Variants in PLS1 observed in about 807,000 individuals in gnomAD.
PLS1 encodes the protein plastin 1.
In PLS1, 32 loss-of-function variants were observed where a neutral mutation model predicts 73.7. That is an observed-to-expected ratio of 0.43 (90% CI 0.33 to 0.58). PLS1 has a LOEUF of 0.58. Ranked by LOEUF, PLS1 falls within the 20% of genes least tolerant of loss-of-function variation. PLS1 has a pLI of 0.04. For missense variants in PLS1, 633 were observed against 740.5 expected (o/e 0.85, Z 1.68); for synonymous variants, 217 against 261.3 (o/e 0.83, Z 1.63).
chr3:142,597,539 G>A (rs2035835057), intron 1 of PLS1, among the ~76,000 whole-genome samples: 1 of 152,156 alleles, frequency 6.6e-6, no homozygotes, highest in Non-Finnish European at 1.5e-5. Flanking sequence ...AGGGAATACA[G>A]GTATCCTGCC....
intron 1 of PLS1, among the ~76,000 whole-genome samples, chr3:142,616,753 C>T (rs904709321): frequency 3.9e-5 from 6 of 152,136 alleles, no homozygotes; most frequent in Admixed American, 6.5e-5. Flanking sequence ...CAGGCACCCG[C>T]CGTCATGCCT....
intron 11 of PLS1, among the ~76,000 whole-genome samples, chr3:142,695,761 CTTA>C (rs1258042771): frequency 1.1e-5 from 1 of 94,260 alleles, no homozygotes; most frequent in Admixed American, 8.9e-5. Context: ...AGGAGACTTA[CTTA>C]TTTATTTATT....
At chr3:142,634,537 CTGT>C (rs1488675373) in intron 1 of PLS1, among the ~76,000 whole-genome samples, 2 of 152,128 alleles carry the variant, frequency 1.3e-5, no homozygotes, top group Non-Finnish European at 2.9e-5. Flanking sequence ...CACTGCAGTG[CTGT>C]TGAGTTTTGC....
At chr3:142,611,149 T>C (rs1202760707) in intron 1 of PLS1, among the ~76,000 whole-genome samples, 1 of 152,236 alleles carries the variant, frequency 6.6e-6, no homozygotes, top group Non-Finnish European at 1.5e-5. Context: ...TCACAAACTA[T>C]TATTCTTTTG....
intron 1 of PLS1, among the ~76,000 whole-genome samples, chr3:142,602,681 G>C (rs1332417893): frequency 2.0e-5 from 3 of 151,710 alleles, no homozygotes; most frequent in South Asian, 4.2e-4. Context: ...TAATTACATA[G>C]AGAACTTACT....
intron 1 of PLS1, among the ~76,000 whole-genome samples, chr3:142,655,740 A>G (rs2037216516): frequency 6.7e-6 from 1 of 149,514 alleles, no homozygotes; most frequent in Non-Finnish European, 1.5e-5. Flanking sequence ...AAAAAAAAAA[A>G]AAGATCACAA....
At chr3:142,686,937 C>A (rs190482823) in intron 9 of PLS1, among the ~76,000 whole-genome samples, 3 of 152,176 alleles carry the variant, frequency 2.0e-5, no homozygotes, top group Non-Finnish European at 4.4e-5. Context: ...GAAGCAACAA[C>A]CTGTTGTTAG....
At chr3:142,671,920 TTATATGTTTTTCC>T (rs895899415) in intron 4 of PLS1, among the ~76,000 whole-genome samples, 3 of 152,162 alleles carry the variant, frequency 2.0e-5, no homozygotes, top group African/African-American at 7.2e-5. Context: ...CTCTCATCTA[TTATATGTTTTTCC>T]TAACTTTTTC....
intron 1 of PLS1, among the ~76,000 whole-genome samples, chr3:142,638,835 C>T (rs995736744): frequency 1.3e-5 from 2 of 151,936 alleles, no homozygotes; most frequent in Admixed American, 6.6e-5. Context: ...TCTGCCACCC[C>T]GGTTCAAGTG....
At chr3:142,638,587 C>T (rs1401797482) in intron 1 of PLS1, among the ~76,000 whole-genome samples, 1 of 152,144 alleles carries the variant, frequency 6.6e-6, no homozygotes, top group Non-Finnish European at 1.5e-5. Flanking sequence ...CTCTGAGGCA[C>T]ATTTTCTCAA....
At chr3:142,657,569 C>A (rs944300813) in intron 1 of PLS1, among the ~76,000 whole-genome samples, 11 of 152,158 alleles carry the variant, frequency 7.2e-5, no homozygotes, top group Non-Finnish European at 1.5e-4. Context: ...CTTGCTGCAA[C>A]CTCCCCACCT....
intron 1 of PLS1, among the ~76,000 whole-genome samples, chr3:142,650,070 T>C (rs565534295): frequency 1.3e-4 from 20 of 152,146 alleles, no homozygotes; most frequent in African/African-American, 1.9e-4. Flanking sequence ...TAAATGGCTT[T>C]TAATAAATTG....
At chr3:142,704,112 C>T (rs2038398574) in intron 13 of PLS1, 111 bp downstream of exon 13, 1 of 780,084 alleles carries the variant, frequency 1.3e-6, no homozygotes, top group Non-Finnish European at 2.0e-6. Flanking sequence ...ATATACAATG[C>T]AAAATATTTT....
At chr3:142,648,685 G>A (rs536913194) in intron 1 of PLS1, among the ~76,000 whole-genome samples, 1 of 152,294 alleles carries the variant, frequency 6.6e-6, no homozygotes, top group East Asian at 1.9e-4. Context: ...TTGAGAAGCT[G>A]TACCTATGTT....
At chr3:142,691,153 ATAAT>A (rs1361439541) in intron 10 of PLS1, among the ~76,000 whole-genome samples, 1 of 152,120 alleles carries the variant, frequency 6.6e-6, no homozygotes, top group African/African-American at 2.4e-5. Context: ...TTGTCACCTC[ATAAT>A]TACAGTTTTG....
chr3:142,622,013 C>T (rs1459186744), intron 1 of PLS1, among the ~76,000 whole-genome samples: 1 of 152,194 alleles, frequency 6.6e-6, no homozygotes, highest in Non-Finnish European at 1.5e-5. Flanking sequence ...AAAATTGACT[C>T]TGAGCTTTTG....
At chr3:142,688,149 T>A (rs1295261105) in intron 9 of PLS1, among the ~76,000 whole-genome samples, 1 of 152,146 alleles carries the variant, frequency 6.6e-6, no homozygotes, top group Admixed American at 6.5e-5. Context: ...GGTTTCACCA[T>A]GTTGGCTAGG....
At chr3:142,670,062 C>G (rs773607691) in intron 3 of PLS1, among the ~76,000 whole-genome samples, 9 of 152,078 alleles carry the variant, frequency 5.9e-5, no homozygotes, top group Non-Finnish European at 1.3e-4. Flanking sequence ...ATTGCTATGA[C>G]AGAGTGGTAC....
chr3:142,704,428 T>C (rs1196289090), intron 13 of PLS1, 35 bp from the exon 14 acceptor site: 1 of 1,553,574 alleles, frequency 6.4e-7, no homozygotes. Flanking sequence ...AATTTCACCC[T>C]TTTCAGTCTC....
Sources: gnomAD v4.1 joint callset for allele counts (sites outside exome capture counted in the v4.1 genomes callset) on GRCh38, gnomAD v4.1.1 for gene constraint, MANE v1.5 for transcripts, NCBI Gene and HGNC (gene_info 2026-07-23, HGNC 2026-07-21) for gene names.